The following NUFIP2 variants were observed in gnomAD, a reference collection of about 807,000 sequenced individuals.
NUFIP2 encodes FMR1-interacting protein NUFIP2.
NUFIP2 carries 6 observed loss-of-function variants against 56.9 expected under a neutral mutation model. The observed-to-expected ratio is 0.11, with a 90% CI of 0.06 to 0.21. NUFIP2 has a LOEUF of 0.21. Among genes scored for constraint, NUFIP2 ranks in the 10% least tolerant of loss-of-function variants. The probability of loss-of-function intolerance (pLI) is 1.00; values close to 1 mark genes in which losing one functional copy is unlikely to be tolerated. For missense variants in NUFIP2, 828 were observed against 826.8 expected, an observed-to-expected ratio of 1.00 and a Z score of -0.02; for synonymous variants, 321 against 298.2, an observed-to-expected ratio of 1.08 and a Z score of -0.79.
At position 29,257,979 on chromosome 17, in the gene NUFIP2, C is replaced by T. The variant is rs2068980190; in HGVS notation, c.*6560G>A. The T allele has an allele frequency of 6.6e-6, 1 of 151,992 alleles. No homozygotes were observed. The allele number at this position is 151,992 out of a possible 1,614,324, so 9.4% of individuals were successfully genotyped here. A position where few individuals can be genotyped will look rare whatever the true frequency, so the allele number is the denominator to read the frequency against. On this transcript the variant is annotated 3_prime_UTR_variant, in exon 4 of 4. Transcript: ENST00000225388. ...CTTTAAACAGAGAGCACCAGTTGGG[C>T]AATAGAATGAGCATTTCATACTGCA...
At chr17:29,267,770 C>G (rs908293406) in intron 2 of NUFIP2, among the ~76,000 whole-genome samples, 1 of 152,124 alleles carries the variant, frequency 6.6e-6, no homozygotes, top group Non-Finnish European at 1.5e-5. Context: ...TCAAGTTATC[C>G]TCCCACCTCA....
Position 29,286,322 on chromosome 17 carries a change from G to A in NUFIP2, c.1672C>T (p.His558Tyr). 2.5e-6 allele frequency: 4 copies of A among 1,614,096 alleles called. No homozygotes were observed. Among genetic ancestry groups the A allele is most frequent in the Non-Finnish European group, 3.4e-6 (4 of 1,179,958 alleles). Reference sequence around the variant, plus strand: ...TCGTAAGCCTTGGGAAACACAGGATGCTCAGTTCCTGAGGGAATTATTTCA... The same window carrying A: ...TCGTAAGCCTTGGGAAACACAGGATACTCAGTTCCTGAGGGAATTATTTCA... Reference protein sequence around the residue: ...GAEIIPSGTEHPVFPKAYELE... With the variant: ...GAEIIPSGTEYPVFPKAYELE... The change falls in exon 2 of 4, where the codon CAT becomes TAT. Residue 558 changes from histidine (H) to tyrosine (Y), a missense_variant. His to Tyr is a moderately conservative substitution (Grantham distance 83). Transcript: ENST00000225388.
Position 29,286,866 on chromosome 17 carries a change from T to C in NUFIP2, c.1128A>G (p.Ser376=). Residue 376 remains serine, a synonymous_variant, in exon 2 of 4, where the codon TCA becomes TCG. Coordinates refer to ENST00000225388, the MANE Select transcript of NUFIP2 (RefSeq NM_020772.3). ...LNKTIQNSSV[S]PTSSSSSSSS... Reference sequence around the variant, plus strand: ...ATGAAGATGATGAAGATGAAGTTGGTGACACAGAAGAGTTCTGTATAGTTT... The same window carrying C: ...ATGAAGATGATGAAGATGAAGTTGGCGACACAGAAGAGTTCTGTATAGTTT... The C allele has an allele frequency of 3.7e-6, 6 of 1,614,134 alleles. No individual in the cohort carries two copies. Among genetic ancestry groups the C allele is most frequent in the Non-Finnish European group, 5.1e-6 (6 of 1,180,010 alleles).
intron 2 of NUFIP2, among the ~76,000 whole-genome samples, chr17:29,274,029 G>A (rs1032891711): frequency 1.3e-4 from 20 of 152,028 alleles, no homozygotes; most frequent in African/African-American, 4.1e-4. Context: ...CAAAGAGTCT[G>A]CCCTCTGTGA....
At chr17:29,265,325 C>T (rs772907381) in intron 3 of NUFIP2, among the ~76,000 whole-genome samples, 4 of 138,244 alleles carry the variant, frequency 2.9e-5, no homozygotes, top group Non-Finnish European at 4.6e-5. Flanking sequence ...TTTTTTGAGA[C>T]GGAGTCTCGC....
Position 29,286,383 on chromosome 17 carries a change from T to C in NUFIP2, c.1611A>G (p.Gln537=). ...SEHKVMEVTF[Q]GEYPATLVSQ... ...AAACCAAAGTAGCAGGATATTCTCC[T>C]TGAAATGTCACCTCCATCACTTTAT... Residue 537 remains glutamine (Q), a synonymous_variant, in exon 2 of 4, where the codon CAA becomes CAG. Coordinates refer to ENST00000225388, the MANE Select transcript of NUFIP2 (RefSeq NM_020772.3). 6.2e-7 allele frequency: 1 copy of C among 1,614,142 alleles called. No homozygotes were observed. The highest frequency in any genetic ancestry group is 1.1e-5 in the South Asian group (1 of 91,086).
chr17:29,267,629 C>T, intron 2 of NUFIP2, 99 bp from the exon 3 acceptor site: 1 of 686,902 alleles, frequency 1.5e-6, no homozygotes, highest in Non-Finnish European at 2.4e-6. Flanking sequence ...CTGATTACTG[C>T]CAGACTGGAG....
rs2068999131 is a variant in NUFIP2, at chr17:29,260,980, T to C, written c.*3559A>G. 1 of 152,186 alleles carries C rather than the reference T, an allele frequency of 6.6e-6. No homozygotes were observed. The highest frequency in any genetic ancestry group is 1.5e-5 in the Non-Finnish European group (1 of 68,016). 9.4% of individuals were successfully genotyped at this position (152,186 alleles called of 1,614,324 possible). A position where few individuals can be genotyped will look rare whatever the true frequency, so the allele number is the denominator to read the frequency against. On this transcript the variant is annotated 3_prime_UTR_variant, in exon 4 of 4. Coordinates refer to ENST00000225388, the MANE Select transcript of NUFIP2 (RefSeq NM_020772.3). ...ACAGACGCTGTAAATACACTTTATG[T>C]GAAGGTTCATTACTAAGGAGGTTAG...
chr17:29,283,002 G>A (rs1043149396), intron 2 of NUFIP2, among the ~76,000 whole-genome samples: 2 of 152,154 alleles, frequency 1.3e-5, no homozygotes, highest in African/African-American at 4.8e-5. Context: ...GAACCCAATT[G>A]AACTGAGTAT....
chr17:29,292,850 C>T (rs1197588912), intron 1 of NUFIP2, among the ~76,000 whole-genome samples: 1 of 147,362 alleles, frequency 6.8e-6, no homozygotes, highest in Non-Finnish European at 1.5e-5. Context: ...GGCCGCGCGC[C>T]GCCACCGGGT....
chr17:29,256,678 C>CTT lies in NUFIP2; in HGVS notation c.*7859_*7860dup, dbSNP rs1262517927. The CTT allele has an allele frequency of 6.6e-6, 1 of 151,062 alleles. No individual in the cohort carries two copies. The highest frequency in any genetic ancestry group is 1.5e-5 in the Non-Finnish European group (1 of 67,684). The allele number at this position is 151,062 out of a possible 1,614,324, so 9.4% of individuals were successfully genotyped here. On this transcript the variant is annotated 3_prime_UTR_variant, in exon 4 of 4. Transcript: ENST00000225388. Reference sequence around the variant, plus strand: ...CCTGAACCAATTAAAAAAAAAAAAACTTTAAAAAAGATGATTTGACAAAAC... The same window carrying CTT: ...CCTGAACCAATTAAAAAAAAAAAAACTTTTTAAAAAAGATGATTTGACAAAAC...
intron 1 of NUFIP2, among the ~76,000 whole-genome samples, chr17:29,289,028 A>G (rs1254815575): frequency 6.6e-6 from 1 of 152,166 alleles, no homozygotes; most frequent in African/African-American, 2.4e-5. Context: ...CTATACTCCC[A>G]GCTGGGGGAG....
In NUFIP2 at chr17:29,286,708, G is replaced by A. The variant is rs534455122; in HGVS notation, c.1286C>T (p.Pro429Leu). ...VLAGTDGNVYPPGGQPLLTTA... is the reference protein window; with the variant it reads ...VLAGTDGNVYLPGGQPLLTTA... The stretch of plus-strand genomic sequence containing the variant: ...AGTTAGCAGTGGCTGACCCCCTGGA[G>A]GATAAACATTTCCATCAGTCCCTGC... The change falls in exon 2 of 4, where the codon CCT (proline) becomes CTT (leucine). Residue 429 changes from proline (P) to leucine (L), a missense_variant. By Grantham distance (98) the Pro-to-Leu change is moderately conservative. Coordinates refer to ENST00000225388, the MANE Select transcript of NUFIP2 (RefSeq NM_020772.3). 2 of 1,614,114 alleles carry A rather than the reference G, an allele frequency of 1.2e-6. No homozygotes were observed. The highest frequency in any genetic ancestry group is 2.2e-5 in the East Asian group (1 of 44,884).
intron 2 of NUFIP2, among the ~76,000 whole-genome samples, chr17:29,269,908 G>A (rs1486305135): frequency 6.6e-6 from 1 of 151,972 alleles, no homozygotes; most frequent in East Asian, 1.9e-4. Context: ...TTTTAGTAGA[G>A]ACGGGGTTTC....
rs998326919 is a variant in NUFIP2, at chr17:29,260,424, C to T, written c.*4115G>A. The T allele has an allele frequency of 6.6e-6, 1 of 152,192 alleles. No homozygotes were observed. Among genetic ancestry groups the T allele is most frequent in the African/African-American group, 2.4e-5 (1 of 41,428 alleles). 9.4% of individuals were successfully genotyped at this position (152,192 alleles called of 1,614,324 possible). ...GATGTGGCCCAGCGGCATAACTATA[C>T]TAATAATACCTGGAAATTGGACTTT... On this transcript the variant is annotated 3_prime_UTR_variant, in exon 4 of 4. Coordinates refer to ENST00000225388, the MANE Select transcript of NUFIP2 (RefSeq NM_020772.3).
At chr17:29,282,547 CA>C (rs1332481060) in intron 2 of NUFIP2, among the ~76,000 whole-genome samples, 1,188 of 118,430 alleles carry the variant, frequency 0.01, 4 homozygotes, top group Middle Eastern at 0.017. Context: ...GACCCCATCT[CA>C]AAAAAAAAAA....
chr17:29,292,028 G>C (rs527780481), intron 1 of NUFIP2, among the ~76,000 whole-genome samples: 1 of 152,124 alleles, frequency 6.6e-6, no homozygotes, highest in East Asian at 1.9e-4. Flanking sequence ...ATTTCTCTTC[G>C]ATTTATAAAG....
At chr17:29,266,361 G>A (rs534540979) in intron 3 of NUFIP2, among the ~76,000 whole-genome samples, 19 of 152,058 alleles carry the variant, frequency 1.2e-4, no homozygotes, top group African/African-American at 4.6e-4. Context: ...GGGAAATCAG[G>A]GGAAGCTACA....
chr17:29,258,983 TAGACAAAC>T lies in NUFIP2; in HGVS notation c.*5548_*5555del, dbSNP rs2068986488. The T allele has an allele frequency of 6.6e-6, 1 of 151,992 alleles. No individual in the cohort carries two copies. The highest frequency in any genetic ancestry group is 2.4e-5 in the African/African-American group (1 of 41,270). The allele number at this position is 151,992 out of a possible 1,614,324, so 9.4% of individuals were successfully genotyped here. On this transcript the variant is annotated 3_prime_UTR_variant, in exon 4 of 4. Transcript: ENST00000225388. ...AGGATAAATGAAAACAGATTAATAA[TAGACAAAC>T]AGGGTAAACTAAAGGCATTCATTCA...
Sources: gnomAD v4.1 joint callset for allele counts (sites outside exome capture counted in the v4.1 genomes callset) on GRCh38, gnomAD v4.1.1 for gene constraint, MANE v1.5 for transcripts, NCBI Gene and HGNC (gene_info 2026-07-23, HGNC 2026-07-21) for gene names.